TBC1D5: variants seen among roughly 807,000 people sequenced by gnomAD.
TBC1D5 encodes the protein TBC1 domain family member 5, also known as TBC1 domain family, member 5.
A neutral mutation model predicts 100.3 loss-of-function variants in TBC1D5; 75 were observed. The ratio of observed to expected loss-of-function variants is 0.75; its 90% CI spans 0.62 to 0.91. The LOEUF is 0.91. Among genes scored for constraint, TBC1D5 ranks in the 40% least tolerant of loss-of-function variants. The probability of loss-of-function intolerance (pLI) is 0.00; values close to 1 mark genes in which losing one functional copy is unlikely to be tolerated. For synonymous variants in TBC1D5, 323 were observed against 325.6 expected, an observed-to-expected ratio of 0.99 and a Z score of 0.09; for missense variants, 910 against 942.4, an observed-to-expected ratio of 0.97 and a Z score of 0.45.
At chr3:17,354,232 G>T (rs1385970004) in intron 13 of TBC1D5, among the ~76,000 whole-genome samples, 2 of 152,054 alleles carry the variant, frequency 1.3e-5, no homozygotes, top group Non-Finnish European at 2.9e-5. Context: ...AAAGATTAGT[G>T]TAAATGTAAC....
chr3:17,243,478 T>C lies in TBC1D5; in HGVS notation c.1332-5059A>G, dbSNP rs140753167. On this transcript the variant is annotated intron_variant, in intron 16 of 21. Transcript: ENST00000253692. ...TATACATGTATGATATAGCACACTC[T>C]ACCTCCAAAATGTGTACAATTATTG... Among the ~76,000 whole-genome samples the C allele has an allele frequency of 2.5e-4, 38 of 152,236 alleles. No individual in the cohort carries two copies. The East Asian group carries it at 7.1e-3, about 29-fold the overall frequency.
chr3:17,406,378 T>C, intron 5 of TBC1D5, 40 bp downstream of exon 5: 1 of 1,570,634 alleles, frequency 6.4e-7, no homozygotes, highest in Non-Finnish European at 8.7e-7. Context: ...TGTGTTGATA[T>C]ATTGCAACCA....
At chr3:17,167,782 ATCT>A (rs1404694891) in exon 20 of TBC1D5, 3 of 1,612,556 alleles carry the variant, frequency 1.9e-6, no homozygotes, top group Admixed American at 3.3e-5. Context: ...CCAGAATTTG[ATCT>A]TCTTTTTCCA....
At chr3:17,661,467 T>C (rs532862012) in intron 1 of TBC1D5, among the ~76,000 whole-genome samples, 54 of 152,178 alleles carry the variant, frequency 3.5e-4, no homozygotes, top group Middle Eastern at 3.4e-3. Flanking sequence ...ACATTGAACT[T>C]TTTCTATATG....
chr3:17,317,077 C>T (rs1338091893), intron 13 of TBC1D5, among the ~76,000 whole-genome samples: 2 of 152,088 alleles, frequency 1.3e-5, no homozygotes, highest in South Asian at 2.1e-4. Context: ...TTCTGTGCCC[C>T]CTCCACGCTA....
At chr3:17,468,193 A>T (rs907891663) in intron 3 of TBC1D5, among the ~76,000 whole-genome samples, 1 of 152,210 alleles carries the variant, frequency 6.6e-6, no homozygotes, top group South Asian at 2.1e-4. Flanking sequence ...AAAGACTCTA[A>T]CATCAATTGA....
chr3:17,548,653 A>G (rs1343768054), intron 2 of TBC1D5, among the ~76,000 whole-genome samples: 3 of 152,192 alleles, frequency 2.0e-5, no homozygotes, highest in Non-Finnish European at 4.4e-5. Flanking sequence ...GGTAGGGAAA[A>G]GAGTAGAGAA....
chr3:17,190,177 G>T (rs1325507920), intron 18 of TBC1D5, among the ~76,000 whole-genome samples: 1 of 152,128 alleles, frequency 6.6e-6, no homozygotes, highest in South Asian at 2.1e-4. Context: ...TTTCAAAAGT[G>T]ATGTTTGTTT....
At chr3:17,685,236 C>T (rs1250014396) in intron 1 of TBC1D5, among the ~76,000 whole-genome samples, 4 of 151,938 alleles carry the variant, frequency 2.6e-5, no homozygotes, top group African/African-American at 9.7e-5. Flanking sequence ...AATGACTATA[C>T]TTTTGCCTTA....
At chr3:17,574,733 T>A (rs1246485943) in intron 2 of TBC1D5, among the ~76,000 whole-genome samples, 1 of 152,130 alleles carries the variant, frequency 6.6e-6, no homozygotes, top group African/African-American at 2.4e-5. Context: ...CAGGCTGAAT[T>A]TAGAAATGCT....
chr3:17,707,111 TATTTA>T (rs1266179272), intron 1 of TBC1D5, among the ~76,000 whole-genome samples: 7 of 152,070 alleles, frequency 4.6e-5, no homozygotes, highest in South Asian at 4.1e-4. Flanking sequence ...TCACCTAACT[TATTTA>T]ATTTGAGATA....
At chr3:17,596,863 C>T (rs774098649) in intron 2 of TBC1D5, among the ~76,000 whole-genome samples, 2 of 152,128 alleles carry the variant, frequency 1.3e-5, no homozygotes, top group Non-Finnish European at 2.9e-5. Context: ...AGGATGTCCA[C>T]TTTCCCTTCT....
At chr3:17,253,055 T>C (rs535647904) in intron 16 of TBC1D5, among the ~76,000 whole-genome samples, 7 of 152,366 alleles carry the variant, frequency 4.6e-5, no homozygotes, top group South Asian at 2.1e-4. Context: ...AGTTTAACGA[T>C]TGAATAAATA....
At chr3:17,184,332 T>A (rs1396902552) in intron 19 of TBC1D5, among the ~76,000 whole-genome samples, 3 of 152,142 alleles carry the variant, frequency 2.0e-5, no homozygotes, top group Admixed American at 2.0e-4. Context: ...AAAAAACACA[T>A]TTTTATAAAA....
At chr3:17,385,696 T>C (rs532305469) in intron 8 of TBC1D5, among the ~76,000 whole-genome samples, 3 of 152,054 alleles carry the variant, frequency 2.0e-5, no homozygotes. Context: ...TTTTTTGTTT[T>C]TTTTTTCCTA....
At chr3:17,252,666 G>C (rs1005980257) in intron 16 of TBC1D5, among the ~76,000 whole-genome samples, 2 of 152,144 alleles carry the variant, frequency 1.3e-5, no homozygotes, top group African/African-American at 4.8e-5. Flanking sequence ...CAGGGATCAG[G>C]ATCTGCCTCA....
intron 15 of TBC1D5, among the ~76,000 whole-genome samples, chr3:17,290,219 G>T (rs1225598320): frequency 6.6e-6 from 1 of 152,106 alleles, no homozygotes; most frequent in Non-Finnish European, 1.5e-5. Context: ...AAACCTTAAA[G>T]AATCTATATT....
chr3:17,528,062 G>A (rs1576523577), intron 2 of TBC1D5, among the ~76,000 whole-genome samples: 1 of 151,790 alleles, frequency 6.6e-6, no homozygotes, highest in Admixed American at 6.6e-5. Flanking sequence ...TTTAGGGGGG[G>A]CTGGGAGGGG....
chr3:17,467,973 C>G (rs570113213), intron 3 of TBC1D5, among the ~76,000 whole-genome samples: 1 of 152,246 alleles, frequency 6.6e-6, no homozygotes, highest in South Asian at 2.1e-4. Flanking sequence ...CTAGTAGAAT[C>G]TGACTCCAAG....
Sources: allele counts gnomAD v4.1 joint callset (sites outside exome capture counted in the v4.1 genomes callset), GRCh38; gene constraint gnomAD v4.1.1; transcripts MANE v1.5; gene names NCBI Gene and HGNC (gene_info 2026-07-23, HGNC 2026-07-21).